Variants in PAIP2B observed in about 807,000 individuals in gnomAD.
PAIP2B encodes the protein polyadenylate-binding protein-interacting protein 2B.
PAIP2B carries 13 observed loss-of-function variants against 17.0 expected under a neutral mutation model. The observed-to-expected ratio is 0.76, with a 90% CI of 0.50 to 1.22. The LOEUF is 1.22. PAIP2B is among the 50% of genes most tolerant of loss of function. The pLI is 0.00. For synonymous variants in PAIP2B, 43 were observed against 48.7 expected (o/e 0.88, Z 0.48); for missense variants, 117 against 144.5 (o/e 0.81, Z 0.98).
At chr2:71,206,642 A>C (rs1675135705) in intron 1 of PAIP2B, among the ~76,000 whole-genome samples, 1 of 152,232 alleles carries the variant, frequency 6.6e-6, no homozygotes, top group Non-Finnish European at 1.5e-5. Flanking sequence ...TCAGTTTAAC[A>C]CTTTAAACAC....
At chr2:71,210,131 T>C (rs952793852) in intron 1 of PAIP2B, among the ~76,000 whole-genome samples, 1 of 152,144 alleles carries the variant, frequency 6.6e-6, no homozygotes, top group African/African-American at 2.4e-5. Context: ...AGCCAGAACA[T>C]ATTTTTATAT....
intron 2 of PAIP2B, among the ~76,000 whole-genome samples, chr2:71,200,503 G>GC (rs1238925387): frequency 6.6e-6 from 1 of 152,190 alleles, no homozygotes; most frequent in African/African-American, 2.4e-5. Flanking sequence ...TGTAATCCCA[G>GC]CACTTTGGGA....
intron 1 of PAIP2B, 133 bp from the exon 2 acceptor site, chr2:71,202,733 T>G (rs1675017030): frequency 1.4e-6 from 1 of 730,836 alleles, no homozygotes; most frequent in Admixed American, 3.0e-5. Flanking sequence ...AACAGAAACT[T>G]AGTCTGTAAC....
chr2:71,213,973 G>A (rs1281139937), intron 1 of PAIP2B, among the ~76,000 whole-genome samples: 2 of 152,062 alleles, frequency 1.3e-5, no homozygotes, highest in East Asian at 3.9e-4. Flanking sequence ...TCTCCCAGTT[G>A]TTTTCATACA....
chr2:71,213,950 C>A (rs1488903990), intron 1 of PAIP2B, among the ~76,000 whole-genome samples: 1 of 152,160 alleles, frequency 6.6e-6, no homozygotes. Flanking sequence ...TCCCACAAGG[C>A]AGGGACTGTT....
At chr2:71,202,964 T>C (rs1572928858) in intron 1 of PAIP2B, among the ~76,000 whole-genome samples, 1 of 152,088 alleles carries the variant, frequency 6.6e-6, no homozygotes, top group Non-Finnish European at 1.5e-5. Context: ...ACAGTGAAAA[T>C]GCATTCTTAA....
intron 2 of PAIP2B, among the ~76,000 whole-genome samples, chr2:71,201,569 T>A (rs760291436): frequency 2.0e-5 from 3 of 152,068 alleles, no homozygotes; most frequent in African/African-American, 7.2e-5. Flanking sequence ...TTAGTAGAGA[T>A]GAGGTTTTAC....
At chr2:71,194,476 T>TGTGTGTGC (rs1310722729) in intron 2 of PAIP2B, among the ~76,000 whole-genome samples, 3 of 151,820 alleles carry the variant, frequency 2.0e-5, no homozygotes, top group African/African-American at 7.2e-5. Context: ...TGTGTGTGTG[T>TGTGTGTGC]GTGTGTGTGT....
chr2:71,194,459 T>TTGTGTGTGTGTGTGTGTG (rs141924993), intron 2 of PAIP2B, among the ~76,000 whole-genome samples: 1 of 143,374 alleles, frequency 7.0e-6, no homozygotes, highest in South Asian at 2.2e-4. Context: ...TATTCCTAGG[T>TTGTGTGTGTGTGTGTGTG]TGTGTGTGTG....
chr2:71,224,595 C>T (rs746038531), intron 1 of PAIP2B, among the ~76,000 whole-genome samples: 1 of 151,956 alleles, frequency 6.6e-6, no homozygotes, highest in Non-Finnish European at 1.5e-5. Flanking sequence ...AGAGAGAGGT[C>T]CAGATGGTGG....
At chr2:71,192,389 T>C (rs1279514252) in intron 2 of PAIP2B, among the ~76,000 whole-genome samples, 1 of 152,134 alleles carries the variant, frequency 6.6e-6, no homozygotes, top group Non-Finnish European at 1.5e-5. Flanking sequence ...TCTCAATTTT[T>C]CAAACTTTTT....
intron 2 of PAIP2B, among the ~76,000 whole-genome samples, chr2:71,195,802 T>A (rs1674803710): frequency 6.6e-6 from 1 of 151,956 alleles, no homozygotes; most frequent in Non-Finnish European, 1.5e-5. Flanking sequence ...CATGCCTGGC[T>A]AATTTTTGCA....
Position 71,188,474 on chromosome 2 carries a change from T to C in PAIP2B, c.*5A>G. On this transcript the variant is annotated 3_prime_UTR_variant, in exon 4 of 4. Coordinates refer to ENST00000244221, the MANE Select transcript of PAIP2B (RefSeq NM_020459.1). ...CAGACAAGTCTTCCTCAAAGCTTTCTCGGCTCAGTACTTCTCTCCTGGAAT... is the reference window on the plus strand; with the variant it reads ...CAGACAAGTCTTCCTCAAAGCTTTCCCGGCTCAGTACTTCTCTCCTGGAAT... 1.9e-6 allele frequency: 3 copies of C among 1,607,880 alleles called. No homozygotes were observed. The highest frequency in any genetic ancestry group is 2.5e-6 in the Non-Finnish European group (3 of 1,176,824).
In PAIP2B at chr2:71,225,320, T is replaced by C. The variant is rs145604503; in HGVS notation, c.-12+1608A>G. 2.9e-3 allele frequency among the ~76,000 whole-genome samples: 442 copies of C among 152,214 alleles called. 2 individuals are homozygous for C. The highest frequency in any genetic ancestry group is 5.4e-3 in the Non-Finnish European group (367 of 67,998). ...TATACAAGATACAATTTTACCACAG[T>C]AAAATACAAGGAAGCATACTGATAC... On this transcript the variant is annotated intron_variant, in intron 1 of 3. Transcript: ENST00000244221.
intron 2 of PAIP2B, among the ~76,000 whole-genome samples, chr2:71,194,217 A>T (rs1447392512): frequency 6.6e-6 from 1 of 151,552 alleles, no homozygotes; most frequent in African/African-American, 2.4e-5. Context: ...TTTAGGTTCC[A>T]TATAAATTTT....
At chr2:71,191,041 T>C (rs17429668) in intron 2 of PAIP2B, among the ~76,000 whole-genome samples, 20,730 of 152,220 alleles carry the variant, frequency 0.14, 1,584 homozygotes, top group African/African-American at 0.18. Context: ...TTGCAGACAT[T>C]GTTAACTCTT....
At chr2:71,214,413 A>G (rs941237272) in intron 1 of PAIP2B, among the ~76,000 whole-genome samples, 3 of 152,210 alleles carry the variant, frequency 2.0e-5, no homozygotes, top group African/African-American at 7.2e-5. Flanking sequence ...ATCACAGCAC[A>G]TGGTGGTTTA....
At chr2:71,212,618 A>G (rs1675329264) in intron 1 of PAIP2B, among the ~76,000 whole-genome samples, 1 of 152,186 alleles carries the variant, frequency 6.6e-6, no homozygotes, top group African/African-American at 2.4e-5. Context: ...AGGGATTAAA[A>G]AACACTTACT....
intron 1 of PAIP2B, among the ~76,000 whole-genome samples, chr2:71,221,797 T>TG (rs1675587607): frequency 6.6e-6 from 1 of 152,130 alleles, no homozygotes; most frequent in Non-Finnish European, 1.5e-5. Context: ...AGTGGGGACT[T>TG]GGGGAACTTT....
Sources: gnomAD v4.1 joint callset for allele counts (sites outside exome capture counted in the v4.1 genomes callset) on GRCh38, gnomAD v4.1.1 for gene constraint, MANE v1.5 for transcripts, NCBI Gene and HGNC (gene_info 2026-07-23, HGNC 2026-07-21) for gene names.